Variants in CNOT6 observed in about 807,000 individuals in gnomAD.
CNOT6 encodes the protein CCR4-NOT transcription complex subunit 6.
A neutral mutation model predicts 61.2 loss-of-function variants in CNOT6; 12 were observed. The ratio of observed to expected loss-of-function variants is 0.20; its 90% CI spans 0.13 to 0.32. The LOEUF (loss-of-function observed/expected upper bound fraction) is 0.32, where lower values mean the gene tolerates loss of function less well. Ranked by LOEUF, CNOT6 falls within the 10% of genes least tolerant of loss-of-function variation. The probability of loss-of-function intolerance (pLI) is 1.00; values close to 1 mark genes in which losing one functional copy is unlikely to be tolerated. For missense variants in CNOT6, 405 were observed against 663.9 expected (o/e 0.61, Z 4.28); for synonymous variants, 225 against 240.6 (o/e 0.94, Z 0.60).
intron 1 of CNOT6, among the ~76,000 whole-genome samples, chr5:180,512,674 G>C (rs1269978822): frequency 6.6e-6 from 1 of 152,216 alleles, no homozygotes; most frequent in Non-Finnish European, 1.5e-5. Flanking sequence ...TCTGCTCACT[G>C]CAGCCTCCAC....
intron 11 of CNOT6, among the ~76,000 whole-genome samples, chr5:180,572,451 A>C (rs1760798855): frequency 6.6e-6 from 1 of 152,088 alleles, no homozygotes; most frequent in Admixed American, 6.5e-5. Context: ...TGGCCTCCCA[A>C]AGTGCTGGGA....
At chr5:180,567,778 C>T (rs1760537172) in intron 8 of CNOT6, 71 bp from the exon 9 acceptor site, 9 of 1,601,050 alleles carry the variant, frequency 5.6e-6, no homozygotes, top group South Asian at 1.1e-5. Flanking sequence ...GGGAAAACTG[C>T]GTTTCCCACA....
intron 1 of CNOT6, among the ~76,000 whole-genome samples, chr5:180,500,106 TC>T (rs11294788): frequency 0.46 from 69,029 of 151,278 alleles, 16,981 homozygotes; most frequent in Non-Finnish European, 0.56. Flanking sequence ...TCTTTTTTTT[TC>T]CCCCCTTTTT....
intron 1 of CNOT6, among the ~76,000 whole-genome samples, chr5:180,503,517 G>T (rs950577055): frequency 6.6e-6 from 1 of 151,176 alleles, no homozygotes; most frequent in East Asian, 1.9e-4. Context: ...TGCCTGCTTC[G>T]GCACCCCAAA....
intron 3 of CNOT6, among the ~76,000 whole-genome samples, chr5:180,551,867 T>C (rs1759618338): frequency 6.6e-6 from 1 of 151,714 alleles, no homozygotes; most frequent in Non-Finnish European, 1.5e-5. Flanking sequence ...CTCCTTTTTC[T>C]TTTTCTTTTT....
intron 2 of CNOT6, among the ~76,000 whole-genome samples, chr5:180,543,335 AG>A (rs34123843): frequency 0.18 from 26,659 of 152,216 alleles, 2,427 homozygotes; most frequent in Non-Finnish European, 0.19. Flanking sequence ...CTGTGATAAC[AG>A]GCGTGAGCCA....
intron 11 of CNOT6, among the ~76,000 whole-genome samples, chr5:180,572,499 C>T (rs1443324330): frequency 6.6e-6 from 1 of 151,834 alleles, no homozygotes; most frequent in African/African-American, 2.4e-5. Flanking sequence ...CAGACTTACA[C>T]CATTTTTAAC....
At chr5:180,526,282 A>G (rs919805891) in intron 1 of CNOT6, among the ~76,000 whole-genome samples, 5 of 152,210 alleles carry the variant, frequency 3.3e-5, no homozygotes, top group African/African-American at 1.2e-4. Flanking sequence ...TAATAGAGGA[A>G]AGAATAGCAC....
chr5:180,504,513 A>G (rs1480466076), intron 1 of CNOT6, among the ~76,000 whole-genome samples: 1 of 152,212 alleles, frequency 6.6e-6, no homozygotes, highest in Non-Finnish European at 1.5e-5. Context: ...GGGGGCAGTA[A>G]ATAGATTTTG....
chr5:180,564,479 A>C lies in CNOT6; in HGVS notation c.386-10A>C, dbSNP rs765257287. 3.8e-6 allele frequency: 6 copies of C among 1,573,604 alleles called. No individual in the cohort carries two copies. Among genetic ancestry groups the C allele is most frequent in the Non-Finnish European group, 5.2e-6 (6 of 1,152,548 alleles). On this transcript the variant is annotated splice_polypyrimidine_tract_variant and intron_variant, in intron 4 of 11. Coordinates refer to ENST00000261951, the MANE Select transcript of CNOT6 (RefSeq NM_001370472.1). ...TAGTTTCATTTTACTTATTTCAAAAATATTTCCAGGAAATCCCCTTACCCA... is the reference window on the plus strand; with the variant it reads ...TAGTTTCATTTTACTTATTTCAAAACTATTTCCAGGAAATCCCCTTACCCA...
intron 1 of CNOT6, among the ~76,000 whole-genome samples, chr5:180,505,488 C>T (rs1757091685): frequency 1.3e-5 from 2 of 149,644 alleles, no homozygotes; most frequent in African/African-American, 4.9e-5. Flanking sequence ...GATCTCCTGA[C>T]CTCGTGATCC....
At position 180,574,599 on chromosome 5, in the gene CNOT6, C is replaced by T. The variant is rs1760926325; in HGVS notation, c.*399C>T. 4.9e-6 allele frequency: 1 copy of T among 205,734 alleles called. No individual in the cohort carries two copies. Among genetic ancestry groups the T allele is most frequent in the African/African-American group, 2.3e-5 (1 of 42,938 alleles). 12.7% of individuals were successfully genotyped at this position (205,734 alleles called of 1,614,324 possible). A position where few individuals can be genotyped will look rare whatever the true frequency, so the allele number is the denominator to read the frequency against. On this transcript the variant is annotated 3_prime_UTR_variant, in exon 12 of 12. Transcript: ENST00000261951. ...GAGATCATTCTTCCATACTTTACTC[C>T]CTCCTTTTTCAGACTTGTTTGTAAA... is the stretch of plus-strand genomic sequence containing the variant.
intron 11 of CNOT6, among the ~76,000 whole-genome samples, chr5:180,572,592 C>A (rs1484195881): frequency 6.6e-6 from 1 of 152,182 alleles, no homozygotes; most frequent in Non-Finnish European, 1.5e-5. Context: ...TCATTTTGCC[C>A]AGGCTGAAGT....
intron 2 of CNOT6, among the ~76,000 whole-genome samples, chr5:180,545,862 TG>T (rs1157707636): frequency 6.6e-6 from 1 of 152,210 alleles, no homozygotes; most frequent in Non-Finnish European, 1.5e-5. Flanking sequence ...GCCATTCTTC[TG>T]GGTATGTAGT....
chr5:180,508,468 T>C (rs1219523466), intron 1 of CNOT6, among the ~76,000 whole-genome samples: 1 of 152,046 alleles, frequency 6.6e-6, no homozygotes, highest in Non-Finnish European at 1.5e-5. Context: ...CACGCCACCA[T>C]GCCCAGCTAA....
chr5:180,551,155 T>G (rs1368736224), intron 3 of CNOT6, among the ~76,000 whole-genome samples: 5 of 149,794 alleles, frequency 3.3e-5, no homozygotes, highest in Admixed American at 6.7e-5. Flanking sequence ...ACCAGTCTGG[T>G]CAACATAGCG....
intron 3 of CNOT6, among the ~76,000 whole-genome samples, chr5:180,550,976 C>A (rs1759566928): frequency 6.6e-6 from 1 of 152,002 alleles, no homozygotes; most frequent in Admixed American, 6.6e-5. Flanking sequence ...CTTCTTGACC[C>A]AGGATAAGGG....
intron 1 of CNOT6, among the ~76,000 whole-genome samples, chr5:180,509,936 CCATAGTAT>C (rs1309579215): frequency 1.3e-5 from 2 of 150,658 alleles, no homozygotes; most frequent in African/African-American, 4.9e-5. Context: ...AAGATACCTG[CCATAGTAT>C]CATCAGCAAT....
intron 4 of CNOT6, among the ~76,000 whole-genome samples, chr5:180,559,646 T>A (rs1760071020): frequency 6.6e-6 from 1 of 152,196 alleles, no homozygotes; most frequent in Admixed American, 6.5e-5. Context: ...ATTTTTTTGT[T>A]TTCTGTTTCT....
Sources: allele counts gnomAD v4.1 joint callset (sites outside exome capture counted in the v4.1 genomes callset), GRCh38; gene constraint gnomAD v4.1.1; transcripts MANE v1.5; gene names NCBI Gene and HGNC (gene_info 2026-07-23, HGNC 2026-07-21).